The following PCED1B variants were observed in gnomAD, a reference collection of about 807,000 sequenced individuals.
PCED1B encodes the protein PC-esterase domain containing 1B, also known as PC-esterase domain-containing protein 1B.
For missense variants in PCED1B, 573 were observed against 573.9 expected, an observed-to-expected ratio of 1.00 and a Z score of 0.02; for synonymous variants, 251 against 246.1, an observed-to-expected ratio of 1.02 and a Z score of -0.19.
chr12:47,079,752 T>C (rs1941929616), intron 1 of PCED1B, 27 bp downstream of exon 1: 1 of 150,710 alleles, frequency 6.6e-6, no homozygotes, highest in African/African-American at 2.4e-5. Context: ...CTGGCCGCCG[T>C]GTGCCCGCGC....
chr12:47,217,144 C>T (rs997342046), intron 3 of PCED1B, among the ~76,000 whole-genome samples: 3 of 152,020 alleles, frequency 2.0e-5, no homozygotes, highest in Middle Eastern at 3.5e-3. Context: ...GGCCCACACC[C>T]GTAATCCAAG....
At chr12:47,099,163 T>G (rs1938599336) in intron 1 of PCED1B, among the ~76,000 whole-genome samples, 1 of 152,234 alleles carries the variant, frequency 6.6e-6, no homozygotes, top group African/African-American at 2.4e-5. Context: ...AATACTGAGT[T>G]TGCTGACTTT....
chr12:47,113,300 G>A (rs533189604), intron 2 of PCED1B, among the ~76,000 whole-genome samples: 1 of 152,214 alleles, frequency 6.6e-6, no homozygotes, highest in East Asian at 1.9e-4. Context: ...TCACAGAAGG[G>A]GAATGAAAAT....
Position 47,206,757 on chromosome 12 carries a change from C to CAA in PCED1B, c.-525-9456_-525-9455dup, listed in dbSNP as rs56132989. Among the ~76,000 whole-genome samples the CAA allele has an allele frequency of 3.2e-4, 47 of 148,076 alleles. 1 individual carries two copies. The highest frequency in any genetic ancestry group is 6.6e-4 in the Non-Finnish European group (44 of 66,958). On this transcript the variant is annotated intron_variant, in intron 2 of 3. Transcript: ENST00000546455. ...CCTCATCTCTACCCCGCCCCCGCAA[C>CAA]AAAAAAAAAATCCAAGGTTTTTTTA...
At chr12:47,111,481 C>T (rs542216492) in intron 2 of PCED1B, among the ~76,000 whole-genome samples, 1 of 151,962 alleles carries the variant, frequency 6.6e-6, no homozygotes, top group East Asian at 1.9e-4. Flanking sequence ...CAGTTAGGGG[C>T]CTTAAGTACA....
At chr12:47,215,893 A>G (rs1565606607) in intron 2 of PCED1B, among the ~76,000 whole-genome samples, 1 of 151,988 alleles carries the variant, frequency 6.6e-6, no homozygotes, top group African/African-American at 2.4e-5. Context: ...CATCTCTACT[A>G]AAAATACAAA....
At chr12:47,121,003 T>C (rs1939655220) in intron 2 of PCED1B, among the ~76,000 whole-genome samples, 1 of 152,104 alleles carries the variant, frequency 6.6e-6, no homozygotes, top group African/African-American at 2.4e-5. Flanking sequence ...AATGGCGGTA[T>C]AGAAAAGGGA....
chr12:47,090,317 G>C (rs1223763590), intron 1 of PCED1B, among the ~76,000 whole-genome samples: 2 of 152,152 alleles, frequency 1.3e-5, no homozygotes, highest in African/African-American at 4.8e-5. Flanking sequence ...GGAGAAAAAA[G>C]CCAGTGCCCA....
intron 3 of PCED1B, among the ~76,000 whole-genome samples, chr12:47,226,828 T>C (rs538926157): frequency 8.1e-4 from 124 of 152,368 alleles, no homozygotes; most frequent in African/African-American, 2.2e-3. Flanking sequence ...TAGGCTAAAA[T>C]GATCGCTGAT....
intron 3 of PCED1B, among the ~76,000 whole-genome samples, chr12:47,227,839 C>G (rs984240973): frequency 6.6e-6 from 1 of 151,424 alleles, no homozygotes; most frequent in East Asian, 2.0e-4. Flanking sequence ...GGTGACAGAG[C>G]AAGACTCTGA....
At chr12:47,151,150 C>CAT (rs1555141999) in intron 2 of PCED1B, among the ~76,000 whole-genome samples, 1 of 151,288 alleles carries the variant, frequency 6.6e-6, no homozygotes, top group Admixed American at 6.6e-5. Flanking sequence ...CACACACACA[C>CAT]ATACACATAT....
rs963313276 is a variant in PCED1B, at chr12:47,216,388, T to G, written c.-359T>G. On this transcript the variant is annotated 5_prime_UTR_variant, in exon 3 of 4. Coordinates refer to ENST00000546455, the MANE Select transcript of PCED1B (RefSeq NM_138371.3). ...GCTGTCTTTGTATTGACTTACCATTTCATGTTTTCACACATGTCAAAGTCT... is the reference window on the plus strand; with the variant it reads ...GCTGTCTTTGTATTGACTTACCATTGCATGTTTTCACACATGTCAAAGTCT... 6.6e-6 allele frequency: 1 copy of G among 152,246 alleles called. No homozygotes were observed. The highest frequency in any genetic ancestry group is 2.4e-5 in the African/African-American group (1 of 41,462). The allele number at this position is 152,246 out of a possible 1,614,324, so 9.4% of individuals were successfully genotyped here.
In PCED1B at chr12:47,131,957, G is replaced by A. The variant is rs1038828110; in HGVS notation, c.-526+27762G>A. Among the ~76,000 whole-genome samples the A allele has an allele frequency of 1.4e-4, 21 of 152,204 alleles. No homozygotes were observed. In the East Asian group the frequency reaches 3.5e-3, roughly 25 times the overall value. On this transcript the variant is annotated intron_variant, in intron 2 of 3. Transcript: ENST00000546455. The stretch of plus-strand genomic sequence containing the variant: ...GCTGGGATTACAGGCGTGAGCCACC[G>A]TGCCCAGCCTGTCATGTTTTACTTC...
At chr12:47,152,624 A>G (rs568986238) in intron 2 of PCED1B, among the ~76,000 whole-genome samples, 10 of 152,352 alleles carry the variant, frequency 6.6e-5, no homozygotes, top group Admixed American at 2.6e-4. Flanking sequence ...TATTGCATCA[A>G]TGTTATCTTC....
chr12:47,121,760 G>T (rs1917656), intron 2 of PCED1B, among the ~76,000 whole-genome samples: 39,657 of 151,732 alleles, frequency 0.26, 5,554 homozygotes, highest in Non-Finnish European at 0.31. Context: ...GCCGGGTGTG[G>T]TGGAGCTCAC....
At chr12:47,145,519 A>G (rs1940752392) in intron 2 of PCED1B, among the ~76,000 whole-genome samples, 1 of 152,190 alleles carries the variant, frequency 6.6e-6, no homozygotes, top group South Asian at 2.1e-4. Flanking sequence ...CCTAACTTCA[A>G]AGCTTCAAAG....
At chr12:47,224,841 C>A (rs557884496) in intron 3 of PCED1B, among the ~76,000 whole-genome samples, 36 of 152,280 alleles carry the variant, frequency 2.4e-4, no homozygotes, top group Middle Eastern at 3.4e-3. Context: ...GACTGCAGAT[C>A]CGAGACCTAC....
At chr12:47,093,893 T>A (rs1426285641) in intron 1 of PCED1B, among the ~76,000 whole-genome samples, 2 of 152,106 alleles carry the variant, frequency 1.3e-5, no homozygotes, top group African/African-American at 4.8e-5. Flanking sequence ...GAAGTGAATA[T>A]GAAGTGGTCA....
At chr12:47,179,149 A>C (rs892880312) in intron 2 of PCED1B, among the ~76,000 whole-genome samples, 1 of 152,206 alleles carries the variant, frequency 6.6e-6, no homozygotes, top group Non-Finnish European at 1.5e-5. Flanking sequence ...ACAATTTAGA[A>C]CTAGCAACTA....
Sources: gnomAD v4.1 joint callset for allele counts (sites outside exome capture counted in the v4.1 genomes callset) on GRCh38, gnomAD v4.1.1 for gene constraint, MANE v1.5 for transcripts, NCBI Gene and HGNC (gene_info 2026-07-23, HGNC 2026-07-21) for gene names.